Variants in COTL1 observed in about 807,000 individuals in gnomAD.
COTL1 encodes the protein coactosin like F-actin binding protein 1.
In COTL1, 15 loss-of-function variants were observed where a neutral mutation model predicts 16.5. The observed-to-expected ratio is 0.91, with a 90% CI of 0.61 to 1.40. The LOEUF is 1.40. Among genes scored for constraint, COTL1 ranks in the 40% most tolerant of loss-of-function variants. COTL1 has a pLI of 0.00. For missense variants in COTL1, 220 were observed against 201.5 expected, an observed-to-expected ratio of 1.09 and a Z score of -0.56; for synonymous variants, 112 against 85.3, an observed-to-expected ratio of 1.31 and a Z score of -1.73.
intron 2 of COTL1, among the ~76,000 whole-genome samples, chr16:84,612,367 G>A (rs1387997754): frequency 1.3e-5 from 2 of 152,184 alleles, no homozygotes; most frequent in Non-Finnish European, 2.9e-5. Context: ...GTGTCCACAT[G>A]GGGCCAAATG....
chr16:84,574,932 C>T (rs373043208), intron 3 of COTL1, among the ~76,000 whole-genome samples: 6 of 152,248 alleles, frequency 3.9e-5, no homozygotes, highest in South Asian at 2.1e-4. Context: ...GCAGAGGGTA[C>T]GGGTTAGGTA....
At chr16:84,568,882 C>A (rs1035474119) in intron 3 of COTL1, 2 of 152,216 alleles carry the variant, frequency 1.3e-5, no homozygotes, top group Admixed American at 6.5e-5. Context: ...CGAAGTCAGA[C>A]AACCAGAAGG....
rs1280877951 is a variant in COTL1 at position 84,590,412 on chromosome 16, G to A, written c.161-150C>T. Reference sequence around the variant, plus strand: ...CTGGGAGCACCATGTGCAGAGGACAGGAGGGAAGCACTCATCCGCTGCCCT... The same window carrying A: ...CTGGGAGCACCATGTGCAGAGGACAAGAGGGAAGCACTCATCCGCTGCCCT... On this transcript the variant is annotated intron_variant, in intron 2 of 3. Coordinates refer to ENST00000262428, the MANE Select transcript of COTL1 (RefSeq NM_021149.5). The surrounding 1 kb of genome is among the most constrained non-coding windows in gnomAD (Gnocchi z 5.5). 2 of 807,850 alleles carry A rather than the reference G, an allele frequency of 2.5e-6. No individual in the cohort carries two copies. Among genetic ancestry groups the A allele is most frequent in the Non-Finnish European group, 1.9e-6 (1 of 528,290 alleles). 50.0% of individuals were successfully genotyped at this position (807,850 alleles called of 1,614,324 possible).
intron 2 of COTL1, among the ~76,000 whole-genome samples, chr16:84,600,604 C>A (rs542861864): frequency 6.6e-6 from 1 of 152,212 alleles, no homozygotes; most frequent in African/African-American, 2.4e-5. Flanking sequence ...CGAGCCACTG[C>A]GCCCGGCCAA....
At chr16:84,581,127 G>A (rs1904579527) in intron 3 of COTL1, among the ~76,000 whole-genome samples, 1 of 123,958 alleles carries the variant, frequency 8.1e-6, no homozygotes, top group South Asian at 2.3e-4. Flanking sequence ...AGGCAACAGA[G>A]TGAGATTCCA....
At position 84,591,002 on chromosome 16, in the gene COTL1, A is replaced by G. The variant is rs549608825; in HGVS notation, c.161-740T>C. Reference sequence around the variant, plus strand: ...CTGTGTTATGCTTGTTCTATCTTATATAGTCATTTTTATTAAAATGGCTTT... The same window carrying G: ...CTGTGTTATGCTTGTTCTATCTTATGTAGTCATTTTTATTAAAATGGCTTT... On this transcript the variant is annotated intron_variant, in intron 2 of 3. Coordinates refer to ENST00000262428, the MANE Select transcript of COTL1 (RefSeq NM_021149.5). 3.3e-5 allele frequency among the ~76,000 whole-genome samples: 5 copies of G among 152,220 alleles called. No homozygotes were observed. The East Asian group carries it at 7.7e-4, about 23-fold the overall frequency.
intron 2 of COTL1, among the ~76,000 whole-genome samples, chr16:84,603,557 G>C (rs958631666): frequency 6.6e-6 from 1 of 151,730 alleles, no homozygotes; most frequent in African/African-American, 2.4e-5. Flanking sequence ...CCTGGGAATC[G>C]GGCCTGGCAC....
chr16:84,617,739 C>T (rs1905535132), intron 1 of COTL1, 99 bp downstream of exon 1: 3 of 1,393,498 alleles, frequency 2.2e-6, no homozygotes, highest in Non-Finnish European at 3.0e-6. Flanking sequence ...GAAGACAGCG[C>T]GGGAGGCCCG....
intron 3 of COTL1, among the ~76,000 whole-genome samples, chr16:84,581,643 A>C (rs550335960): frequency 1.3e-5 from 2 of 151,854 alleles, no homozygotes; most frequent in African/African-American, 4.8e-5. Flanking sequence ...AGCTGGGATT[A>C]CAGGCGTGTG....
intron 3 of COTL1, among the ~76,000 whole-genome samples, chr16:84,582,924 T>A (rs28631258): frequency 0.22 from 33,631 of 152,132 alleles, 3,920 homozygotes; most frequent in Non-Finnish European, 0.27. Flanking sequence ...CAGCACTTTT[T>A]TAAAGTAAGC....
intron 3 of COTL1, among the ~76,000 whole-genome samples, chr16:84,579,207 T>C (rs973830954): frequency 6.6e-6 from 1 of 152,200 alleles, no homozygotes; most frequent in East Asian, 1.9e-4. Context: ...ATTACAATAA[T>C]AGAAACAGGC....
intron 2 of COTL1, among the ~76,000 whole-genome samples, chr16:84,609,560 GC>G: frequency 6.6e-6 from 1 of 152,222 alleles, no homozygotes; most frequent in Non-Finnish European, 1.5e-5. Flanking sequence ...TCCTCTGGTA[GC>G]CCGTTCTACC....
intron 3 of COTL1, among the ~76,000 whole-genome samples, chr16:84,585,437 C>G (rs980792259): frequency 6.6e-6 from 1 of 151,908 alleles, no homozygotes; most frequent in Non-Finnish European, 1.5e-5. Flanking sequence ...CTCCACGTTT[C>G]ACACAAAGCA....
At chr16:84,582,066 C>T (rs910484509) in intron 3 of COTL1, among the ~76,000 whole-genome samples, 1 of 143,872 alleles carries the variant, frequency 7.0e-6, no homozygotes, top group African/African-American at 2.6e-5. Context: ...CGGCTCACTG[C>T]AACCTCTGCC....
intron 2 of COTL1, among the ~76,000 whole-genome samples, chr16:84,609,526 T>G (rs1238800650): frequency 6.6e-6 from 1 of 152,214 alleles, no homozygotes; most frequent in Non-Finnish European, 1.5e-5. Flanking sequence ...CTGACATACC[T>G]CCTGTGATGG....
intron 2 of COTL1, among the ~76,000 whole-genome samples, chr16:84,608,712 C>T (rs560286507): frequency 1.3e-5 from 2 of 152,282 alleles, no homozygotes; most frequent in Admixed American, 1.3e-4. Context: ...TCGAGACCTG[C>T]CTGGACAACA....
At chr16:84,582,414 G>C (rs553949805) in intron 3 of COTL1, among the ~76,000 whole-genome samples, 1 of 152,198 alleles carries the variant, frequency 6.6e-6, no homozygotes, top group African/African-American at 2.4e-5. Flanking sequence ...AAAGTACTAG[G>C]ATTACAGGCA....
chr16:84,608,951 T>C (rs1905265456), intron 2 of COTL1, among the ~76,000 whole-genome samples: 2 of 152,250 alleles, frequency 1.3e-5, no homozygotes, highest in South Asian at 4.1e-4. Context: ...TGGAGCAAAG[T>C]AGGAACCCAA....
chr16:84,566,040 C>T lies in COTL1; in HGVS notation c.*805G>A, dbSNP rs1006257199. ...CGCTTTGGGAGCCCCTGAAGTGAAC[C>T]CTGAAATACTCCCTCCGTCAACTCT... On this transcript the variant is annotated 3_prime_UTR_variant, in exon 4 of 4. Transcript: ENST00000262428. 6.5e-6 allele frequency: 1 copy of T among 152,698 alleles called. No individual in the cohort carries two copies. Among genetic ancestry groups the T allele is most frequent in the Non-Finnish European group, 1.5e-5 (1 of 68,088 alleles). 9.5% of individuals were successfully genotyped at this position (152,698 alleles called of 1,614,324 possible). A position where few individuals can be genotyped will look rare whatever the true frequency, so the allele number is the denominator to read the frequency against.
Sources: allele counts gnomAD v4.1 joint callset (sites outside exome capture counted in the v4.1 genomes callset), GRCh38; gene constraint gnomAD v4.1.1; non-coding constraint Gnocchi (gnomAD v3.1); transcripts MANE v1.5; gene names NCBI Gene and HGNC (gene_info 2026-07-23, HGNC 2026-07-21).